GYG1: variants seen among roughly 807,000 people sequenced by gnomAD.
GYG1 encodes glycogenin-1.
GYG1 carries 44 observed loss-of-function variants against 41.9 expected under a neutral mutation model. The ratio of observed to expected loss-of-function variants is 1.05; its 90% CI spans 0.83 to 1.35. GYG1 has a LOEUF of 1.35. Ranked by LOEUF, GYG1 falls within the 40% of genes most tolerant of loss-of-function variation. GYG1 has a pLI of 0.00. For synonymous variants in GYG1, 141 were observed against 158.1 expected (o/e 0.89, Z 0.81); for missense variants, 429 against 418.9 (o/e 1.02, Z -0.21).
chr3:149,017,555 TTTTA>T (rs1293062013), intron 5 of GYG1, among the ~76,000 whole-genome samples: 2 of 150,998 alleles, frequency 1.3e-5, no homozygotes, highest in African/African-American at 4.9e-5. Flanking sequence ...AGTATTTTGC[TTTTA>T]TTTATTTATT....
intron 4 of GYG1, among the ~76,000 whole-genome samples, chr3:149,007,253 C>T (rs368513538): frequency 7.2e-5 from 11 of 152,308 alleles, no homozygotes; most frequent in African/African-American, 2.6e-4. Flanking sequence ...TCCAAAGACC[C>T]CACTCCAGAT....
chr3:148,995,488 T>C (rs1255425540), intron 2 of GYG1, among the ~76,000 whole-genome samples: 1 of 152,222 alleles, frequency 6.6e-6, no homozygotes, highest in Non-Finnish European at 1.5e-5. Flanking sequence ...TTTAGGAAGA[T>C]GCCAAAAAGG....
chr3:149,029,813 ATGAT>A lies in GYG1; in HGVS notation c.*2886_*2889del, dbSNP rs989043107. Among the ~76,000 whole-genome samples, 7 of 152,214 alleles carry A rather than the reference ATGAT, an allele frequency of 4.6e-5. No individual in the cohort carries two copies. The highest frequency in any genetic ancestry group is 1.2e-4 in the African/African-American group (5 of 41,456). The stretch of plus-strand genomic sequence containing the variant: ...TGTAATTTTAAGGACAAAATGTACA[ATGAT>A]TGATTAAGAGTGCTATCTGTGTATA... On this transcript the variant is annotated 3_prime_UTR_variant, in exon 8 of 8. Coordinates refer to ENST00000345003, the MANE Select transcript of GYG1 (RefSeq NM_004130.4).
chr3:149,026,630 A>T, intron 7 of GYG1, 128 bp downstream of exon 7: 1 of 995,832 alleles, frequency 1.0e-6, no homozygotes. Context: ...TGTTTGTTTC[A>T]TGTAATACTT....
intron 5 of GYG1, among the ~76,000 whole-genome samples, chr3:149,013,947 C>CTG (rs1334752628): frequency 6.6e-6 from 1 of 152,186 alleles, no homozygotes; most frequent in Non-Finnish European, 1.5e-5. Flanking sequence ...TGTTGGCCTG[C>CTG]TGATCGTTCA....
At position 149,027,613 on chromosome 3, in the gene GYG1, A is replaced by G. The variant is rs1380914538; in HGVS notation, c.*680A>G. On this transcript the variant is annotated 3_prime_UTR_variant, in exon 8 of 8. Coordinates refer to ENST00000345003, the MANE Select transcript of GYG1 (RefSeq NM_004130.4). ...CCTGCAGTGGCACCCTGTACAAAAA[A>G]TAAAAGACTTATTGCTGTATCTTGG... 1 of 152,660 alleles carries G rather than the reference A, an allele frequency of 6.6e-6. No individual in the cohort carries two copies. The highest frequency in any genetic ancestry group is 1.5e-5 in the Non-Finnish European group (1 of 68,082). The allele number at this position is 152,660 out of a possible 1,614,324, so 9.5% of individuals were successfully genotyped here.
intron 2 of GYG1, among the ~76,000 whole-genome samples, chr3:148,995,555 C>A (rs541974873): frequency 1.0e-3 from 157 of 152,120 alleles, no homozygotes; most frequent in Non-Finnish European, 1.6e-3. Context: ...TCTAAGAAAC[C>A]AGATCTAGTC....
At position 149,010,932 on chromosome 3, in the gene GYG1, C is replaced by T. The variant is rs191396965; in HGVS notation, c.608+1530C>T. On this transcript the variant is annotated intron_variant, in intron 5 of 7. Coordinates refer to ENST00000345003, the MANE Select transcript of GYG1 (RefSeq NM_004130.4). ...AGTCCTCTCCGTAAGTCTTACACCA[C>T]GGTAATAAGCATGTCTGGCTTTTTG... Among the ~76,000 whole-genome samples, 17 of 152,270 alleles carry T rather than the reference C, an allele frequency of 1.1e-4. 2 individuals are homozygous for T. The South Asian group carries it at 2.7e-3, about 24-fold the overall frequency.
intron 4 of GYG1, chr3:149,008,375 AC>A (rs1370419151): frequency 1.3e-5 from 2 of 152,456 alleles, no homozygotes; most frequent in East Asian, 3.8e-4. Flanking sequence ...GAGTCCACTT[AC>A]TCAGGCCACC....
rs1321515272 is a variant in GYG1, at chr3:149,030,717, G to A, written c.*3784G>A. On this transcript the variant is annotated 3_prime_UTR_variant, in exon 8 of 8. Transcript: ENST00000345003. ...ACATTATTATTCCACTATCATCCCT[G>A]CAGAAAGGTCTTGGTTTTGATGAAA... is the stretch of plus-strand genomic sequence containing the variant. The A allele has an allele frequency of 2.0e-5, 3 of 152,140 alleles. No individual in the cohort carries two copies. Among genetic ancestry groups the A allele is most frequent in the Non-Finnish European group, 4.4e-5 (3 of 68,022 alleles). 9.4% of individuals were successfully genotyped at this position (152,140 alleles called of 1,614,324 possible).
Position 149,012,293 on chromosome 3 carries a change from TC to T in GYG1, c.608+2893del, listed in dbSNP as rs1444670957. The stretch of plus-strand genomic sequence containing the variant: ...TGGGTTCAGAATAACCTTGGTGGTC[TC>T]CAGGACTAAGTAGCCCTATAGTATG... On this transcript the variant is annotated intron_variant, in intron 5 of 7. Coordinates refer to ENST00000345003, the MANE Select transcript of GYG1 (RefSeq NM_004130.4). Among the ~76,000 whole-genome samples the T allele has an allele frequency of 8.5e-5, 13 of 152,196 alleles. 1 individual carries two copies. The highest frequency in any genetic ancestry group is 8.5e-4 in the Admixed American group (13 of 15,272).
At chr3:149,026,287 G>C (rs1043290098) in intron 6 of GYG1, among the ~76,000 whole-genome samples, 165 bp from the exon 7 acceptor site, 2 of 152,218 alleles carry the variant, frequency 1.3e-5, no homozygotes, top group Non-Finnish European at 2.9e-5. Context: ...TGATAACTGA[G>C]TATGTGTTGC....
At position 149,028,133 on chromosome 3, in the gene GYG1, C is replaced by T. The variant is rs1482817894; in HGVS notation, c.*1200C>T. On this transcript the variant is annotated 3_prime_UTR_variant, in exon 8 of 8. Transcript: ENST00000345003. ...AATGATTCTATGGAAGAAAACAGGA[C>T]AGTTAACCATGACAGGAAGAAACTT... Among the ~76,000 whole-genome samples, 4 of 152,174 alleles carry T rather than the reference C, an allele frequency of 2.6e-5. No homozygotes were observed. The highest frequency in any genetic ancestry group is 5.9e-5 in the Non-Finnish European group (4 of 68,022).
At position 149,030,309 on chromosome 3, in the gene GYG1, CCTT is replaced by C. The variant is rs1404025129; in HGVS notation, c.*3380_*3382del. 2 of 151,968 alleles carry C rather than the reference CCTT, an allele frequency of 1.3e-5. No individual in the cohort carries two copies. The highest frequency in any genetic ancestry group is 2.1e-4 in the South Asian group (1 of 4,792). 9.4% of individuals were successfully genotyped at this position (151,968 alleles called of 1,614,324 possible). A position where few individuals can be genotyped will look rare whatever the true frequency, so the allele number is the denominator to read the frequency against. ...TCCAGTGGCTTTTTTATATATTTAT[CCTT>C]CTTAGGAAGGACAAATTAAATTTTT... On this transcript the variant is annotated 3_prime_UTR_variant, in exon 8 of 8. Coordinates refer to ENST00000345003, the MANE Select transcript of GYG1 (RefSeq NM_004130.4).
intron 4 of GYG1, among the ~76,000 whole-genome samples, chr3:149,000,399 G>T (rs1244881670): frequency 6.6e-6 from 1 of 151,914 alleles, no homozygotes; most frequent in Non-Finnish European, 1.5e-5. Context: ...CACTAGTATT[G>T]TATAGGATGT....
intron 6 of GYG1, 97 bp from the exon 7 acceptor site, chr3:149,026,355 T>A: frequency 1.2e-6 from 1 of 823,894 alleles, no homozygotes. Context: ...TTTGTTTAAG[T>A]TCTCAACCTT....
In GYG1 at chr3:149,028,326, G is replaced by A. The variant is rs1398013929; in HGVS notation, c.*1393G>A. Among the ~76,000 whole-genome samples the A allele has an allele frequency of 6.6e-6, 1 of 152,162 alleles. No homozygotes were observed. The highest frequency in any genetic ancestry group is 1.5e-5 in the Non-Finnish European group (1 of 68,030). On this transcript the variant is annotated 3_prime_UTR_variant, in exon 8 of 8. Coordinates refer to ENST00000345003, the MANE Select transcript of GYG1 (RefSeq NM_004130.4). ...TACCATAGGAGCTCAATAAGAACCTGAGGATTTACCTAGAATTATAAAATA... is the reference window on the plus strand; with the variant it reads ...TACCATAGGAGCTCAATAAGAACCTAAGGATTTACCTAGAATTATAAAATA...
Position 149,027,840 on chromosome 3 carries a change from G to C in GYG1, c.*907G>C, listed in dbSNP as rs770296525. On this transcript the variant is annotated 3_prime_UTR_variant, in exon 8 of 8. Coordinates refer to ENST00000345003, the MANE Select transcript of GYG1 (RefSeq NM_004130.4). ...TGGATCTGACAGATCAGAACAAACCGAGATCAAACTTACATAGTGTCATCC... is the reference window on the plus strand; with the variant it reads ...TGGATCTGACAGATCAGAACAAACCCAGATCAAACTTACATAGTGTCATCC... 6.6e-6 allele frequency among the ~76,000 whole-genome samples: 1 copy of C among 152,082 alleles called. No homozygotes were observed. The highest frequency in any genetic ancestry group is 1.5e-5 in the Non-Finnish European group (1 of 68,016).
rs552267180 is a variant in GYG1, at chr3:149,024,199, T to C, written c.755T>C (p.Ile252Thr). 5.0e-6 allele frequency: 8 copies of C among 1,613,448 alleles called. No individual in the cohort carries two copies. In the South Asian group the frequency reaches 7.7e-5, roughly 16 times the overall value. ...GAGTTTCTCATCCTGTGGTGGAACATCTTTACCACCAACGTTTTACCTCTG... is the reference window on the plus strand; with the variant it reads ...GAGTTTCTCATCCTGTGGTGGAACACCTTTACCACCAACGTTTTACCTCTG... ...HPEFLILWWN[I>T]FTTNVLPLLQ... The change falls in exon 6 of 8, where the codon ATC becomes ACC. Residue 252 changes from isoleucine to threonine, a missense_variant. By Grantham distance (89) the Ile-to-Thr change is moderately conservative. Coordinates refer to ENST00000345003, the MANE Select transcript of GYG1 (RefSeq NM_004130.4).
Sources: allele counts gnomAD v4.1 joint callset (sites outside exome capture counted in the v4.1 genomes callset), GRCh38; gene constraint gnomAD v4.1.1; transcripts MANE v1.5; gene names NCBI Gene and HGNC (gene_info 2026-07-23, HGNC 2026-07-21).